PLXDC2: variants seen among roughly 807,000 people sequenced by gnomAD.
The protein encoded by PLXDC2 is plexin domain-containing protein 2.
A neutral mutation model predicts 68.9 loss-of-function variants in PLXDC2; 40 were observed. The observed-to-expected ratio is 0.58, with a 90% confidence interval of 0.45 to 0.76. The LOEUF (loss-of-function observed/expected upper bound fraction) is 0.76, where lower values mean the gene tolerates loss of function less well. Among genes scored for constraint, PLXDC2 ranks in the 30% least tolerant of loss-of-function variants. The probability of loss-of-function intolerance (pLI) is 0.00; values close to 1 mark genes in which losing one functional copy is unlikely to be tolerated. For synonymous variants in PLXDC2, 243 were observed against 234.2 expected (o/e 1.04, Z -0.34); for missense variants, 644 against 661.9 (o/e 0.97, Z 0.30).
At chr10:19,980,498 G>A (rs1355259128) in intron 1 of PLXDC2, among the ~76,000 whole-genome samples, 1 of 152,144 alleles carries the variant, frequency 6.6e-6, no homozygotes, top group Admixed American at 6.5e-5. Context: ...AGCAGATCTG[G>A]ATTCTGGTGA....
chr10:19,877,613 A>G (rs779960369), intron 1 of PLXDC2, among the ~76,000 whole-genome samples: 11 of 152,210 alleles, frequency 7.2e-5, no homozygotes, highest in Non-Finnish European at 1.2e-4. Flanking sequence ...CCCAGCCTCA[A>G]GTATGTATCC....
intron 11 of PLXDC2, 49 bp downstream of exon 11, chr10:20,217,625 C>G: frequency 1.1e-5 from 12 of 1,060,510 alleles, no homozygotes; most frequent in East Asian, 6.9e-5. Context: ...TTTTTTTTTT[C>G]CCTGAAGGAA....
chr10:19,904,755 G>A (rs1838212712), intron 1 of PLXDC2, among the ~76,000 whole-genome samples: 1 of 152,232 alleles, frequency 6.6e-6, no homozygotes, highest in African/African-American at 2.4e-5. Context: ...GGAGCTGCAA[G>A]TGGTCCTGCC....
intron 4 of PLXDC2, among the ~76,000 whole-genome samples, chr10:20,105,898 G>A (rs1426111717): frequency 6.6e-6 from 1 of 152,168 alleles, no homozygotes; most frequent in Non-Finnish European, 1.5e-5. Flanking sequence ...TTCAAAATTG[G>A]AGATTAAATT....
chr10:20,196,692 T>C (rs77395292), intron 9 of PLXDC2, among the ~76,000 whole-genome samples: 1,685 of 152,258 alleles, frequency 0.011, 36 homozygotes, highest in African/African-American at 0.039. Flanking sequence ...CAGCTTCAAG[T>C]TTTGCAGTTG....
chr10:20,223,414 G>A (rs1441525290), intron 12 of PLXDC2, among the ~76,000 whole-genome samples: 2 of 149,670 alleles, frequency 1.3e-5, no homozygotes, highest in African/African-American at 4.9e-5. Flanking sequence ...CTGGGTTCAA[G>A]CGATTCTCCT....
chr10:19,946,288 A>G (rs557589816), intron 1 of PLXDC2, among the ~76,000 whole-genome samples: 5 of 152,242 alleles, frequency 3.3e-5, no homozygotes, highest in Admixed American at 3.3e-4. Flanking sequence ...AATTAAAAAA[A>G]CATTAATATT....
At chr10:20,206,208 G>C (rs1387979292) in intron 9 of PLXDC2, among the ~76,000 whole-genome samples, 1 of 151,890 alleles carries the variant, frequency 6.6e-6, no homozygotes, top group Non-Finnish European at 1.5e-5. Flanking sequence ...ACTTATCTAA[G>C]ATCACACACC....
intron 1 of PLXDC2, among the ~76,000 whole-genome samples, chr10:19,863,189 A>G (rs953721153): frequency 6.6e-6 from 1 of 152,020 alleles, no homozygotes; most frequent in African/African-American, 2.4e-5. Context: ...TTGTGCTATT[A>G]TGTTTTGGGG....
intron 1 of PLXDC2, among the ~76,000 whole-genome samples, chr10:19,862,972 G>A (rs1346926795): frequency 2.0e-5 from 3 of 152,252 alleles, no homozygotes; most frequent in South Asian, 2.1e-4. Flanking sequence ...TGGAAGTAGC[G>A]TGTGTCTGTC....
chr10:19,885,530 G>A (rs1288337961), intron 1 of PLXDC2, among the ~76,000 whole-genome samples: 94 of 152,028 alleles, frequency 6.2e-4, no homozygotes, highest in Middle Eastern at 3.4e-3. Context: ...TGATTTTTGT[G>A]TAAGGTGTAA....
intron 4 of PLXDC2, among the ~76,000 whole-genome samples, chr10:20,120,839 G>A (rs1724365896): frequency 6.6e-6 from 1 of 152,196 alleles, no homozygotes; most frequent in South Asian, 2.1e-4. Context: ...AAGGTTCTAA[G>A]AGGCGGGCTA....
At chr10:20,232,377 CAT>C (rs1191563558) in intron 12 of PLXDC2, among the ~76,000 whole-genome samples, 4 of 151,928 alleles carry the variant, frequency 2.6e-5, no homozygotes, top group African/African-American at 9.7e-5. Context: ...AAAAAGAAAA[CAT>C]GTCCACACAC....
chr10:20,204,637 C>T (rs1465798218), intron 9 of PLXDC2, among the ~76,000 whole-genome samples: 1 of 152,104 alleles, frequency 6.6e-6, no homozygotes, highest in Non-Finnish European at 1.5e-5. Flanking sequence ...TTTGTTTTTA[C>T]ATATAGAGCA....
intron 1 of PLXDC2, among the ~76,000 whole-genome samples, chr10:19,960,851 G>A (rs555380775): frequency 6.6e-6 from 1 of 152,122 alleles, no homozygotes; most frequent in African/African-American, 2.4e-5. Context: ...TAATCAATTG[G>A]CATACAAATC....
chr10:20,227,001 G>A (rs150149117), intron 12 of PLXDC2, among the ~76,000 whole-genome samples: 25 of 152,080 alleles, frequency 1.6e-4, no homozygotes, highest in African/African-American at 5.3e-4. Context: ...TTCTCGGTGT[G>A]TTCTACATGT....
rs139107640 is a variant in PLXDC2, at chr10:19,844,441, G to A, written c.112+27250G>A. Among the ~76,000 whole-genome samples, 594 of 152,212 alleles carry A rather than the reference G, an allele frequency of 3.9e-3. 5 individuals carry two copies. Among genetic ancestry groups the A allele is most frequent in the African/African-American group, 0.014 (568 of 41,544 alleles). On this transcript the variant is annotated intron_variant, in intron 1 of 13. Coordinates refer to ENST00000377252, the MANE Select transcript of PLXDC2 (RefSeq NM_032812.9). ...ATGTAGTGACTTAGTCAAAAGTGAT[G>A]TATTACAAACCACCGGACACTCACA...
At chr10:20,241,268 T>A (rs755801413) in intron 12 of PLXDC2, among the ~76,000 whole-genome samples, 3 of 152,228 alleles carry the variant, frequency 2.0e-5, no homozygotes, top group Non-Finnish European at 2.9e-5. Flanking sequence ...TGGTTATGGT[T>A]GTTATATTCC....
chr10:19,926,370 G>C (rs577211006), intron 1 of PLXDC2, among the ~76,000 whole-genome samples: 1 of 152,156 alleles, frequency 6.6e-6, no homozygotes, highest in Non-Finnish European at 1.5e-5. Flanking sequence ...GTGGGTGGCA[G>C]GTGTTTATTG....
Sources: allele counts gnomAD v4.1 joint callset (sites outside exome capture counted in the v4.1 genomes callset), GRCh38; gene constraint gnomAD v4.1.1; transcripts MANE v1.5; gene names NCBI Gene and HGNC (gene_info 2026-07-23, HGNC 2026-07-21).